Variants in ANTXR1 observed in about 807,000 individuals in gnomAD.
ANTXR1 encodes ANTXR cell adhesion molecule 1.
A neutral mutation model predicts 78.1 loss-of-function variants in ANTXR1; 19 were observed. The observed-to-expected ratio is 0.24, with a 90% confidence interval of 0.17 to 0.36. The LOEUF (loss-of-function observed/expected upper bound fraction) is 0.36. Ranked by LOEUF, ANTXR1 falls within the 10% of genes least tolerant of loss-of-function variation. The probability of loss-of-function intolerance (pLI) is 1.00; values close to 1 mark genes in which losing one functional copy is unlikely to be tolerated. For missense variants in ANTXR1, 518 were observed against 718.6 expected (o/e 0.72, Z 3.19); for synonymous variants, 273 against 260.5 (o/e 1.05, Z -0.46).
intron 13 of ANTXR1, among the ~76,000 whole-genome samples, chr2:69,163,399 C>T (rs1407068292): frequency 6.6e-6 from 1 of 152,052 alleles, no homozygotes; most frequent in African/African-American, 2.4e-5. Flanking sequence ...ACCTCCTTTT[C>T]TTCACTCCAT....
chr2:69,146,138 T>A, intron 12 of ANTXR1: 1 of 985,460 alleles, frequency 1.0e-6, no homozygotes, highest in Non-Finnish European at 1.2e-6. Flanking sequence ...TCGTATTGAA[T>A]GTTGCCTGTC....
chr2:69,178,622 A>G (rs1345832249), intron 14 of ANTXR1, among the ~76,000 whole-genome samples: 4 of 152,198 alleles, frequency 2.6e-5, no homozygotes, highest in African/African-American at 9.7e-5. Flanking sequence ...CCCGTGTGCA[A>G]GTGGAACCTG....
At chr2:69,128,783 A>G (rs528044028) in intron 12 of ANTXR1, among the ~76,000 whole-genome samples, 7 of 152,320 alleles carry the variant, frequency 4.6e-5, no homozygotes, top group Admixed American at 4.6e-4. Flanking sequence ...AGGTTTTTCA[A>G]TCAAAAGTGA....
intron 1 of ANTXR1, among the ~76,000 whole-genome samples, chr2:69,016,291 C>T (rs1046948777): frequency 6.6e-6 from 1 of 152,066 alleles, no homozygotes; most frequent in Non-Finnish European, 1.5e-5. Flanking sequence ...ATGTGGCTAC[C>T]ATACCGGATA....
At chr2:69,207,419 G>A (rs1215363107) in intron 17 of ANTXR1, among the ~76,000 whole-genome samples, 2 of 152,160 alleles carry the variant, frequency 1.3e-5, no homozygotes, top group Admixed American at 6.5e-5. Flanking sequence ...CATTAGAATG[G>A]GGGATGTGAT....
intron 12 of ANTXR1, among the ~76,000 whole-genome samples, chr2:69,149,993 C>G (rs1196516537): frequency 1.3e-5 from 2 of 152,240 alleles, no homozygotes; most frequent in Admixed American, 6.5e-5. Context: ...CCCCCAACTA[C>G]CCCTGGGCTG....
chr2:69,059,542 G>A (rs1233080705), intron 3 of ANTXR1, among the ~76,000 whole-genome samples: 1 of 151,508 alleles, frequency 6.6e-6, no homozygotes, highest in Admixed American at 6.6e-5. Flanking sequence ...GCAATGGCAC[G>A]ATCTTGGCTC....
chr2:69,077,647 C>T lies in ANTXR1; in HGVS notation c.642+159C>T, dbSNP rs13419465. Among the ~76,000 whole-genome samples, 18,224 of 152,224 alleles carry T rather than the reference C, an allele frequency of 0.12. 1,241 individuals are homozygous for T. Among genetic ancestry groups the T allele is most frequent in the East Asian group, 0.22 (1,119 of 5,178 alleles). ...TGTGTCTGCCACGTCCCATCTCTCC[C>T]TTCTGCCTTTTACACATCTTTTCTC... On this transcript the variant is annotated intron_variant, in intron 8 of 17. Coordinates refer to ENST00000303714, the MANE Select transcript of ANTXR1 (RefSeq NM_032208.3).
intron 17 of ANTXR1, among the ~76,000 whole-genome samples, chr2:69,231,652 G>C (rs992361759): frequency 6.6e-6 from 1 of 152,174 alleles, no homozygotes; most frequent in African/African-American, 2.4e-5. Context: ...TGAAGCTGCA[G>C]TCAGATGGCG....
intron 17 of ANTXR1, among the ~76,000 whole-genome samples, chr2:69,242,419 G>A (rs1406282891): frequency 6.6e-6 from 1 of 152,238 alleles, no homozygotes; most frequent in Non-Finnish European, 1.5e-5. Context: ...ATTGGCAGAA[G>A]AAGGCTGGGA....
intron 17 of ANTXR1, among the ~76,000 whole-genome samples, chr2:69,229,447 T>C (rs1675535933): frequency 6.6e-6 from 1 of 152,164 alleles, no homozygotes; most frequent in Admixed American, 6.5e-5. Context: ...TCAGTAATTT[T>C]TACATTTTCA....
intron 16 of ANTXR1, among the ~76,000 whole-genome samples, chr2:69,186,249 A>G (rs1674412826): frequency 6.6e-6 from 1 of 152,224 alleles, no homozygotes; most frequent in African/African-American, 2.4e-5. Flanking sequence ...TTTAGATGCA[A>G]CAAGAAGGAT....
intron 9 of ANTXR1, among the ~76,000 whole-genome samples, chr2:69,092,201 C>G (rs545762527): frequency 4.6e-5 from 7 of 152,308 alleles, no homozygotes; most frequent in African/African-American, 1.7e-4. Flanking sequence ...AAAGGAAGAA[C>G]TTTCAGGCCT....
intron 10 of ANTXR1, 193 bp downstream of exon 10, chr2:69,103,133 A>G (rs1573880900): frequency 3.0e-6 from 2 of 670,414 alleles, no homozygotes; most frequent in East Asian, 5.7e-5. Context: ...TTGGGTGGGC[A>G]CAGCCCCATG....
At chr2:69,117,389 C>G (rs984394211) in intron 10 of ANTXR1, among the ~76,000 whole-genome samples, 3 of 152,220 alleles carry the variant, frequency 2.0e-5, no homozygotes, top group Non-Finnish European at 4.4e-5. Context: ...AATAATCTCT[C>G]TCTCAGAGGG....
At chr2:69,015,506 T>TA (rs1670998711) in intron 1 of ANTXR1, among the ~76,000 whole-genome samples, 1 of 147,044 alleles carries the variant, frequency 6.8e-6, no homozygotes, top group African/African-American at 2.7e-5. Context: ...ATTCATTAAT[T>TA]TAAAAAAAAA....
At chr2:69,241,938 T>C (rs1675905480) in intron 17 of ANTXR1, among the ~76,000 whole-genome samples, 1 of 152,140 alleles carries the variant, frequency 6.6e-6, no homozygotes, top group African/African-American at 2.4e-5. Context: ...CCACTTCACA[T>C]CACACTGTGG....
intron 2 of ANTXR1, among the ~76,000 whole-genome samples, chr2:69,041,049 G>A (rs752221367): frequency 1.6e-4 from 24 of 152,152 alleles, no homozygotes; most frequent in Non-Finnish European, 2.5e-4. Context: ...GAAAGGGTTA[G>A]GAGGTAGCTT....
chr2:69,239,390 G>A (rs569085576), intron 17 of ANTXR1, among the ~76,000 whole-genome samples: 51 of 152,240 alleles, frequency 3.3e-4, no homozygotes, highest in African/African-American at 7.0e-4. Context: ...CCAACATAGC[G>A]AAACCCCGTC....
Sources: gnomAD v4.1 joint callset for allele counts (sites outside exome capture counted in the v4.1 genomes callset) on GRCh38, gnomAD v4.1.1 for gene constraint, MANE v1.5 for transcripts, NCBI Gene and HGNC (gene_info 2026-07-23, HGNC 2026-07-21) for gene names.